Variants in TAF5 observed in about 807,000 individuals in gnomAD.
TAF5 encodes the protein transcription initiation factor TFIID subunit 5.
In TAF5, 20 loss-of-function variants were observed where a neutral mutation model predicts 80.9. That is an observed-to-expected ratio of 0.25 (90% CI 0.17 to 0.36). The LOEUF is 0.36. TAF5 is among the 10% of genes least tolerant of loss of function. The pLI is 1.00. For missense variants in TAF5, 863 were observed against 1,029.4 expected, an observed-to-expected ratio of 0.84 and a Z score of 2.21; for synonymous variants, 388 against 406.4, an observed-to-expected ratio of 0.95 and a Z score of 0.55.
intron 9 of TAF5, 30 bp downstream of exon 9, chr10:103,387,382 C>T: frequency 6.4e-7 from 1 of 1,572,728 alleles, no homozygotes; most frequent in South Asian, 1.2e-5. Context: ...TTCCAGCATC[C>T]AAGGTTGCTT....
rs1012708936 is a variant in TAF5, at chr10:103,374,917, A to C, written c.797+1322A>C. On this transcript the variant is annotated intron_variant, in intron 2 of 10. Coordinates refer to ENST00000369839, the MANE Select transcript of TAF5 (RefSeq NM_006951.5). This position sits in a 1 kb window ranked among gnomAD's most constrained non-coding sequence, Gnocchi z 4.3. ...GAGGCGGGTGGATCACTTTGACCTC[A>C]GGAGTTTGAGACCAGCCTGGTGAGA... Among the ~76,000 whole-genome samples the C allele has an allele frequency of 2.0e-5, 3 of 151,982 alleles. No individual in the cohort carries two copies. Among genetic ancestry groups the C allele is most frequent in the Admixed American group, 1.3e-4 (2 of 15,232 alleles).
chr10:103,383,192 T>C (rs747206978), intron 6 of TAF5, 46 bp from the exon 7 acceptor site: 35 of 1,492,896 alleles, frequency 2.3e-5, no homozygotes, highest in Non-Finnish European at 3.1e-5. Flanking sequence ...TTTAAAAGTT[T>C]TGATGAATGT....
intron 8 of TAF5, 51 bp from the exon 9 acceptor site, chr10:103,387,124 T>C (rs1371685395): frequency 3.2e-6 from 5 of 1,546,080 alleles, no homozygotes; most frequent in Non-Finnish European, 4.4e-6. Flanking sequence ...TTTTGGCGTT[T>C]CACAGCTATC....
At chr10:103,379,352 T>C (rs1221506390) in intron 3 of TAF5, among the ~76,000 whole-genome samples, 2 of 152,196 alleles carry the variant, frequency 1.3e-5, no homozygotes, top group African/African-American at 4.8e-5. Flanking sequence ...CCATACCCAG[T>C]ATACTTATAT....
chr10:103,370,062 T>G (rs2093355655), intron 1 of TAF5, among the ~76,000 whole-genome samples: 1 of 151,588 alleles, frequency 6.6e-6, no homozygotes, highest in Non-Finnish European at 1.5e-5. Flanking sequence ...CGAAACCCCC[T>G]TTCTACTAGA....
At chr10:103,369,973 G>T (rs2093355405) in intron 1 of TAF5, among the ~76,000 whole-genome samples, 1 of 152,022 alleles carries the variant, frequency 6.6e-6, no homozygotes, top group South Asian at 2.1e-4. Context: ...GCTCATGCCT[G>T]TGAATCTCAG....
rs117612326 is a variant in TAF5 at position 103,387,568 on chromosome 10, T to C, written c.2055T>C (p.Ala685=). 2.5e-4 allele frequency: 404 copies of C among 1,614,134 alleles called. No individual in the cohort carries two copies. Among genetic ancestry groups the C allele is most frequent in the Non-Finnish European group, 3.3e-4 (384 of 1,180,014 alleles). Residue 685 remains alanine (A), a synonymous_variant, in exon 10 of 11, where the codon GCT becomes GCC. Transcript: ENST00000369839. ...TTTCTCCCAATGGGAGATTCCTGGCTACAGGAGCAACAGATGGCAGAGTGC... is the reference window on the plus strand; with the variant it reads ...TTTCTCCCAATGGGAGATTCCTGGCCACAGGAGCAACAGATGGCAGAGTGC... ...LTFSPNGRFL[A]TGATDGRVLL...
At position 103,368,509 on chromosome 10, in the gene TAF5, G is replaced by A. The variant is rs762700915; in HGVS notation, c.520G>A (p.Val174Ile). 1.3e-6 allele frequency: 2 copies of A among 1,566,504 alleles called. No individual in the cohort carries two copies. The highest frequency in any genetic ancestry group is 1.7e-6 in the Non-Finnish European group (2 of 1,165,904). ...CACTGGCGCTTCGGGGGCCACGGTC[G>A]TCTCAGGTTCAGCCTCAGGTCCTGC... is the stretch of plus-strand genomic sequence containing the variant. ...PGTGASGATV[V>I]SGSASGPAAP... Residue 174 changes from valine (V) to isoleucine (I), a missense_variant, in exon 1 of 11, where the codon GTC becomes ATC. Val to Ile is a conservative substitution (Grantham distance 29, BLOSUM62 3). Around this residue, in one of 3 missense-constraint regions of TAF5, gnomAD observed 367 missense variants for 335.5 expected, o/e 1.09. Coordinates refer to ENST00000369839, the MANE Select transcript of TAF5 (RefSeq NM_006951.5).
chr10:103,379,623 T>A lies in TAF5; in HGVS notation c.1129T>A (p.Leu377Ile). The change falls in exon 4 of 11, where the codon TTA (leucine) becomes ATA (isoleucine). Residue 377 changes from leucine (L) to isoleucine (I), a missense_variant. Coordinates refer to ENST00000369839, the MANE Select transcript of TAF5 (RefSeq NM_006951.5). ...ANKSKVFFGL[L>I]KEPEIEVPLD... ...TGACTTGTAGGTATTTTTTGGTTTA[T>A]TAAAAGAACCAGAAATTGAGGTACC... is the stretch of plus-strand genomic sequence containing the variant. The A allele has an allele frequency of 6.3e-7, 1 of 1,582,930 alleles. No individual in the cohort carries two copies. The highest frequency in any genetic ancestry group is 1.2e-5 in the South Asian group (1 of 83,942).
rs762135098 is a variant in TAF5, at chr10:103,378,310, G to C, written c.873G>C (p.Met291Ile). 6.2e-7 allele frequency: 1 copy of C among 1,614,166 alleles called. No homozygotes were observed. The highest frequency in any genetic ancestry group is 8.5e-7 in the Non-Finnish European group (1 of 1,180,016). ...VLSSLTKKEH[M>I]KGNETMLDFR... ...CTAGTCTTACCAAAAAGGAACACAT[G>C]AAAGGGAATGAGACCATGTTGGATT... is the stretch of plus-strand genomic sequence containing the variant. The change falls in exon 3 of 11, where the codon ATG becomes ATC. Residue 291 changes from methionine (M) to isoleucine (I), a missense_variant. Met to Ile is a conservative substitution (Grantham distance 10). This residue lies in a region of TAF5 where 128 missense variants were observed against 232.2 expected (regional missense o/e 0.55). Coordinates refer to ENST00000369839, the MANE Select transcript of TAF5 (RefSeq NM_006951.5). The surrounding 1 kb of genome is among the most constrained non-coding windows in gnomAD (Gnocchi z 4.1).
At chr10:103,371,685 AC>A (rs1423712999) in intron 1 of TAF5, among the ~76,000 whole-genome samples, 1 of 152,204 alleles carries the variant, frequency 6.6e-6, no homozygotes, top group Non-Finnish European at 1.5e-5. Flanking sequence ...TTAAGTACTT[AC>A]ATTTTGTAAG....
chr10:103,382,588 A>G (rs2093385354), intron 6 of TAF5, among the ~76,000 whole-genome samples: 1 of 151,804 alleles, frequency 6.6e-6, no homozygotes, highest in African/African-American at 2.4e-5. Flanking sequence ...TACTAACTAT[A>G]TTATTTAAAT....
intron 2 of TAF5, among the ~76,000 whole-genome samples, chr10:103,376,143 A>C (rs1352292569): frequency 6.7e-6 from 1 of 150,010 alleles, no homozygotes; most frequent in East Asian, 2.0e-4. Flanking sequence ...CCAGGCTGGC[A>C]TGCAGTGGCG....
chr10:103,387,179 T>C lies in TAF5; in HGVS notation c.1834T>C (p.Trp612Arg). ...SGGHDRVARLWATDHYQPLRI... is the reference protein window; with the variant it reads ...SGGHDRVARLRATDHYQPLRI... ...CTTTCAATAACTTTATAAAAGGCTC[T>C]GGGCTACAGACCACTATCAGCCTTT... is the stretch of plus-strand genomic sequence containing the variant. The change falls in exon 9 of 11, where the codon TGG (tryptophan) becomes CGG (arginine). Residue 612 changes from tryptophan to arginine, a missense_variant. Physicochemically the swap from Trp to Arg is moderately radical, Grantham distance 101. Coordinates refer to ENST00000369839, the MANE Select transcript of TAF5 (RefSeq NM_006951.5). 1 of 1,610,390 alleles carries C rather than the reference T, an allele frequency of 6.2e-7. No homozygotes were observed. Among genetic ancestry groups the C allele is most frequent in the Non-Finnish European group, 8.5e-7 (1 of 1,177,958 alleles).
chr10:103,386,664 ATT>A (rs34851825), intron 8 of TAF5, among the ~76,000 whole-genome samples: 8 of 133,884 alleles, frequency 6.0e-5, no homozygotes, highest in South Asian at 2.4e-4. Flanking sequence ...AGACCTCAGC[ATT>A]TTTTTTTTTT....
chr10:103,387,966 T>C (rs767603875), intron 10 of TAF5, 40 bp from the exon 11 acceptor site: 13 of 1,559,832 alleles, frequency 8.3e-6, no homozygotes, highest in Non-Finnish European at 1.1e-5. Flanking sequence ...AATGTAAATA[T>C]GATGGATGCA....
At chr10:103,382,757 C>T (rs180691601) in intron 6 of TAF5, among the ~76,000 whole-genome samples, 1 of 151,912 alleles carries the variant, frequency 6.6e-6, no homozygotes, top group Admixed American at 6.6e-5. Flanking sequence ...AAGTGATCCT[C>T]CCACTTCAGC....
chr10:103,382,764 C>T (rs2093385930), intron 6 of TAF5, among the ~76,000 whole-genome samples: 2 of 152,036 alleles, frequency 1.3e-5, no homozygotes, highest in East Asian at 1.9e-4. Context: ...CCTCCCACTT[C>T]AGCCTCCTGA....
chr10:103,382,239 A>G (rs1381736291), intron 6 of TAF5, among the ~76,000 whole-genome samples: 1 of 152,158 alleles, frequency 6.6e-6, no homozygotes, highest in Non-Finnish European at 1.5e-5. Flanking sequence ...TTTTTTTGAG[A>G]CAGAGTCTCG....
Sources: gnomAD v4.1 joint callset for allele counts (sites outside exome capture counted in the v4.1 genomes callset) on GRCh38, gnomAD v4.1.1 for gene constraint, gnomAD v4.1.1 regional missense constraint, Gnocchi (gnomAD v3.1) non-coding constraint, MANE v1.5 for transcripts, NCBI Gene and HGNC (gene_info 2026-07-23, HGNC 2026-07-21) for gene names.